The following PVR variants were observed in gnomAD, a reference collection of about 807,000 sequenced individuals.
PVR encodes the protein PVR cell adhesion molecule.
PVR carries 39 observed loss-of-function variants against 43.3 expected under a neutral mutation model. The ratio of observed to expected loss-of-function variants is 0.90; its 90% CI spans 0.70 to 1.18. The LOEUF (loss-of-function observed/expected upper bound fraction) is 1.18. Ranked by LOEUF, PVR falls within the 50% of genes most tolerant of loss-of-function variation. The pLI is 0.00. For missense variants in PVR, 480 were observed against 549.7 expected (o/e 0.87, Z 1.27); for synonymous variants, 224 against 233.2 (o/e 0.96, Z 0.36).
chr19:44,653,710 C>T (rs1192823224), intron 3 of PVR, 190 bp from the exon 4 acceptor site: 1 of 565,418 alleles, frequency 1.8e-6, no homozygotes, highest in East Asian at 2.7e-5. Context: ...CTCCATGTCC[C>T]CACTGACCAA....
At chr19:44,648,052 G>C (rs1973180032) in intron 2 of PVR, among the ~76,000 whole-genome samples, 1 of 152,116 alleles carries the variant, frequency 6.6e-6, no homozygotes, top group Non-Finnish European at 1.5e-5. Flanking sequence ...GGGCTATTTT[G>C]ATCACTGCTG....
At chr19:44,652,401 T>C (rs1009519132) in intron 3 of PVR, among the ~76,000 whole-genome samples, 1 of 152,076 alleles carries the variant, frequency 6.6e-6, no homozygotes. Flanking sequence ...TTTTTTGTTT[T>C]GTGATGAAGT....
intron 2 of PVR, among the ~76,000 whole-genome samples, chr19:44,648,674 G>GTTTTC (rs201884360): frequency 1.3e-5 from 2 of 151,688 alleles, no homozygotes; most frequent in Admixed American, 6.6e-5. Flanking sequence ...GTTTTGTTTT[G>GTTTTC]TTTTCTTTTC....
rs182379780 is a variant in PVR at position 44,661,564 on chromosome 19, C to A, written c.1183-176C>A. On this transcript the variant is annotated intron_variant, in intron 7 of 7. Coordinates refer to ENST00000425690, the MANE Select transcript of PVR (RefSeq NM_006505.5). ...GCATTTTAATATCCGCTCTCTCCCC[C>A]CTGCCCCACGCCCCTTCAATTCCAC... Among the ~76,000 whole-genome samples, 7 of 152,258 alleles carry A rather than the reference C, an allele frequency of 4.6e-5. No individual in the cohort carries two copies. In the South Asian group the frequency reaches 6.2e-4, roughly 14 times the overall value.
At chr19:44,647,072 CCAGTT>C in intron 1 of PVR, 146 bp from the exon 2 acceptor site, 1 of 549,620 alleles carries the variant, frequency 1.8e-6, no homozygotes, top group Non-Finnish European at 3.2e-6. Flanking sequence ...AACTAGTGCC[CCAGTT>C]CCCCCTCCCC....
intron 2 of PVR, among the ~76,000 whole-genome samples, chr19:44,648,117 C>G (rs778591538): frequency 6.6e-6 from 1 of 152,158 alleles, no homozygotes; most frequent in Non-Finnish European, 1.5e-5. Flanking sequence ...ATGTGCCATT[C>G]TAAGAGCTTT....
chr19:44,662,001 A>C lies in PVR; in HGVS notation c.*190A>C. 1 of 595,784 alleles carries C rather than the reference A, an allele frequency of 1.7e-6. No homozygotes were observed. Among genetic ancestry groups the C allele is most frequent in the Non-Finnish European group, 3.0e-6 (1 of 334,058 alleles). 36.9% of individuals were successfully genotyped at this position (595,784 alleles called of 1,614,324 possible). A position where few individuals can be genotyped will look rare whatever the true frequency, so the allele number is the denominator to read the frequency against. The stretch of plus-strand genomic sequence containing the variant: ...AGACCACCCTCCTTTCATTTGCTAG[A>C]AGGACTCACTAGACTCAGGAAAGCT... On this transcript the variant is annotated 3_prime_UTR_variant, in exon 8 of 8. Transcript: ENST00000425690.
At chr19:44,647,084 C>G in intron 1 of PVR, 139 bp from the exon 2 acceptor site, 1 of 354,562 alleles carries the variant, frequency 2.8e-6, no homozygotes, top group Non-Finnish European at 5.0e-6. Context: ...AGTTCCCCCT[C>G]CCCCCACACC....
rs1163732596 is a variant in PVR, at chr19:44,662,017, C to G, written c.*206C>G. On this transcript the variant is annotated 3_prime_UTR_variant, in exon 8 of 8. Coordinates refer to ENST00000425690, the MANE Select transcript of PVR (RefSeq NM_006505.5). ...ATTTGCTAGAAGGACTCACTAGACT[C>G]AGGAAAGCTGTTAGGCTCACAGTTA... 1 of 584,610 alleles carries G rather than the reference C, an allele frequency of 1.7e-6. No individual in the cohort carries two copies. The highest frequency in any genetic ancestry group is 3.1e-6 in the Non-Finnish European group (1 of 327,122). The allele number at this position is 584,610 out of a possible 1,614,324, so 36.2% of individuals were successfully genotyped here. A position where few individuals can be genotyped will look rare whatever the true frequency, so the allele number is the denominator to read the frequency against.
In PVR at chr19:44,664,035, T is replaced by C. The variant is rs1381034617; in HGVS notation, c.*2224T>C. ...TGGTCCAGCTCCATTCTTCTGCACA[T>C]GGATATCCAGTTTTACACAACACTG... On this transcript the variant is annotated 3_prime_UTR_variant, in exon 8 of 8. Transcript: ENST00000425690. 1 of 152,170 alleles carries C rather than the reference T, an allele frequency of 6.6e-6. No homozygotes were observed. The highest frequency in any genetic ancestry group is 2.4e-5 in the African/African-American group (1 of 41,440). 9.4% of individuals were successfully genotyped at this position (152,170 alleles called of 1,614,324 possible).
rs572965153 is a variant in PVR at position 44,657,507 on chromosome 19, C to T, written c.843-255C>T. Among the ~76,000 whole-genome samples, 247 of 152,212 alleles carry T rather than the reference C, an allele frequency of 1.6e-3. 1 individual carries two copies. The highest frequency in any genetic ancestry group is 5.2e-3 in the African/African-American group (217 of 41,520). On this transcript the variant is annotated intron_variant, in intron 4 of 7. Coordinates refer to ENST00000425690, the MANE Select transcript of PVR (RefSeq NM_006505.5). ...GGCTGCTGGGGGCCGGGATGCACAG[C>T]GCCAGAGCAGGGAGGTACCGTGGAA...
chr19:44,650,577 T>A (rs1973255177), intron 3 of PVR, among the ~76,000 whole-genome samples: 2 of 150,502 alleles, frequency 1.3e-5, no homozygotes, highest in African/African-American at 2.4e-5. Flanking sequence ...TTTTTTTTTT[T>A]TTTGAAATAG....
Sources: allele counts gnomAD v4.1 joint callset (sites outside exome capture counted in the v4.1 genomes callset), GRCh38; gene constraint gnomAD v4.1.1; transcripts MANE v1.5; gene names NCBI Gene and HGNC (gene_info 2026-07-23, HGNC 2026-07-21).